The following PTPRG variants were observed in gnomAD, a reference collection of about 807,000 sequenced individuals.
PTPRG encodes the protein protein tyrosine phosphatase receptor type G.
PTPRG carries 102 observed loss-of-function variants against 165.3 expected under a neutral mutation model. The observed-to-expected ratio is 0.62, with a 90% CI of 0.53 to 0.73. The LOEUF is 0.73. PTPRG is among the 30% of genes least tolerant of loss of function. PTPRG has a pLI of 0.00. For synonymous variants in PTPRG, 675 were observed against 669.5 expected (o/e 1.01, Z -0.13); for missense variants, 1,866 against 1,861.4 (o/e 1.00, Z -0.05).
intron 6 of PTPRG, among the ~76,000 whole-genome samples, chr3:62,149,670 T>C (rs1704255240): frequency 6.6e-6 from 1 of 152,190 alleles, no homozygotes; most frequent in African/African-American, 2.4e-5. Context: ...CTCACCCCTG[T>C]GTTTGGCAGG....
In PTPRG at chr3:62,003,594, C is replaced by A. The variant is rs188563028; in HGVS notation, c.519+97C>A. 3.4e-6 allele frequency: 5 copies of A among 1,452,272 alleles called. No individual in the cohort carries two copies. The Admixed American group carries it at 1.1e-4, about 31-fold the overall frequency. 90.0% of individuals were successfully genotyped at this position (1,452,272 alleles called of 1,614,324 possible). On this transcript the variant is annotated intron_variant, in intron 4 of 29. Coordinates refer to ENST00000474889, the MANE Select transcript of PTPRG (RefSeq NM_002841.4). ...CCCTCAGTCATTTTGCAAATCACAG[C>A]TGTACAGTACCTAACTTCCTCTCTC...
chr3:61,613,026 C>T (rs1224490272), intron 1 of PTPRG, among the ~76,000 whole-genome samples: 3 of 152,120 alleles, frequency 2.0e-5, no homozygotes, highest in African/African-American at 7.2e-5. Context: ...TTCCATAAAG[C>T]CACCAATAGC....
chr3:61,883,362 G>A (rs1205136631), intron 2 of PTPRG, among the ~76,000 whole-genome samples: 1 of 152,046 alleles, frequency 6.6e-6, no homozygotes. Context: ...CCTTCCCTGT[G>A]GTTCTCCACC....
At chr3:61,847,904 A>C (rs912564354) in intron 2 of PTPRG, among the ~76,000 whole-genome samples, 1 of 152,248 alleles carries the variant, frequency 6.6e-6, no homozygotes, top group African/African-American at 2.4e-5. Flanking sequence ...AAACTCTTAC[A>C]TAATTGCATT....
intron 2 of PTPRG, among the ~76,000 whole-genome samples, chr3:61,777,420 C>G (rs1027600213): frequency 7.2e-5 from 11 of 152,196 alleles, no homozygotes; most frequent in Non-Finnish European, 1.2e-4. Flanking sequence ...TTTCCTCTTT[C>G]ATTTCAGCAA....
intron 1 of PTPRG, among the ~76,000 whole-genome samples, chr3:61,703,369 A>G (rs528846340): frequency 6.6e-6 from 1 of 152,358 alleles, no homozygotes; most frequent in East Asian, 1.9e-4. Context: ...AGTTACAGTA[A>G]TGTCAAATTT....
chr3:61,801,698 T>C (rs2035248855), intron 2 of PTPRG, among the ~76,000 whole-genome samples: 3 of 152,166 alleles, frequency 2.0e-5, no homozygotes, highest in Admixed American at 6.5e-5. Context: ...CTGCCATCCA[T>C]ATTGTTAGCA....
chr3:61,587,351 T>C (rs1700456748), intron 1 of PTPRG, among the ~76,000 whole-genome samples: 1 of 152,158 alleles, frequency 6.6e-6, no homozygotes, highest in African/African-American at 2.4e-5. Context: ...TTGATCACAT[T>C]TGTTTTTTCT....
At chr3:62,062,882 G>A (rs1431016436) in intron 4 of PTPRG, among the ~76,000 whole-genome samples, 2 of 152,084 alleles carry the variant, frequency 1.3e-5, no homozygotes, top group Non-Finnish European at 2.9e-5. Context: ...TCAAACTCCT[G>A]AACTCAAGCT....
At chr3:61,632,097 G>C (rs933376765) in intron 1 of PTPRG, among the ~76,000 whole-genome samples, 3 of 152,132 alleles carry the variant, frequency 2.0e-5, no homozygotes, top group Admixed American at 6.5e-5. Flanking sequence ...TTGAACCCAG[G>C]AGTTCAAGAC....
intron 1 of PTPRG, among the ~76,000 whole-genome samples, chr3:61,713,694 G>A (rs552556932): frequency 1.3e-5 from 2 of 152,192 alleles, no homozygotes; most frequent in South Asian, 2.1e-4. Flanking sequence ...CGTGCTGGCC[G>A]CAGCATTCAG....
rs201240036 is a variant in PTPRG, at chr3:62,195,084, C to T, written c.1241C>T (p.Ser414Leu). The change falls in exon 10 of 30, where the codon TCA (serine) becomes TTA (leucine). Residue 414 changes from serine (S) to leucine (L), a missense_variant. Ser to Leu is a moderately radical substitution (Grantham distance 145). This residue lies in a region of PTPRG where 1,452 missense variants were observed against 1,463.0 expected (regional missense o/e 0.99). Transcript: ENST00000474889. The surrounding 1 kb of genome is among the most constrained non-coding windows in gnomAD (Gnocchi z 4.4). ...CAGAAAGCCACCATTAGCCATGTCT[C>T]ACCCGATAGCCTTTACCTGTTCCGA... is the stretch of plus-strand genomic sequence containing the variant. ...KDLKATISHVSPDSLYLFRVQ... is the reference protein window; with the variant it reads ...KDLKATISHVLPDSLYLFRVQ... The T allele has an allele frequency of 1.2e-6, 2 of 1,614,232 alleles. No individual in the cohort carries two copies. Among genetic ancestry groups the T allele is most frequent in the African/African-American group, 2.7e-5 (2 of 75,072 alleles).
chr3:62,149,422 C>T (rs373406007), intron 6 of PTPRG, among the ~76,000 whole-genome samples: 32 of 152,208 alleles, frequency 2.1e-4, no homozygotes, highest in African/African-American at 6.7e-4. Flanking sequence ...TACAGGCACA[C>T]GCCACCATAC....
At chr3:61,904,437 A>C (rs956519912) in intron 2 of PTPRG, among the ~76,000 whole-genome samples, 4 of 152,178 alleles carry the variant, frequency 2.6e-5, no homozygotes, top group Admixed American at 1.3e-4. Context: ...TACAGGCCCA[A>C]GCAAATGTGG....
chr3:61,693,859 T>A (rs546801314), intron 1 of PTPRG, among the ~76,000 whole-genome samples: 1 of 151,948 alleles, frequency 6.6e-6, no homozygotes, highest in East Asian at 1.9e-4. Context: ...TATAAAAAAA[T>A]TAGCCAGGCA....
rs529632213 is a variant in PTPRG at position 62,012,861 on chromosome 3, G to C, written c.519+9364G>C. ...AGTAAAATATACAGAGAGATACGAA[G>C]GGAATAGAAATTAGTCAGCACTTAT... On this transcript the variant is annotated intron_variant, in intron 4 of 29. Coordinates refer to ENST00000474889, the MANE Select transcript of PTPRG (RefSeq NM_002841.4). Among the ~76,000 whole-genome samples the C allele has an allele frequency of 2.7e-3, 405 of 152,250 alleles. 2 individuals carry two copies. The highest frequency in any genetic ancestry group is 9.3e-3 in the African/African-American group (388 of 41,556).
intron 2 of PTPRG, among the ~76,000 whole-genome samples, chr3:61,772,200 G>C (rs1179629850): frequency 6.6e-6 from 1 of 152,078 alleles, no homozygotes; most frequent in East Asian, 1.9e-4. Context: ...ACAGTTGAGG[G>C]AGGGCGTTAA....
intron 2 of PTPRG, among the ~76,000 whole-genome samples, chr3:61,946,887 A>G (rs1291325055): frequency 6.6e-6 from 1 of 152,214 alleles, no homozygotes; most frequent in Non-Finnish European, 1.5e-5. Context: ...AAATTATTGA[A>G]AATCAGTGAA....
At chr3:61,955,461 C>G (rs1006368784) in intron 2 of PTPRG, among the ~76,000 whole-genome samples, 1 of 152,054 alleles carries the variant, frequency 6.6e-6, no homozygotes, top group Non-Finnish European at 1.5e-5. Flanking sequence ...TTGGACTTAG[C>G]GAAAATGTGT....
Sources: allele counts gnomAD v4.1 joint callset (sites outside exome capture counted in the v4.1 genomes callset), GRCh38; gene constraint gnomAD v4.1.1; regional missense constraint gnomAD v4.1.1; non-coding constraint Gnocchi (gnomAD v3.1); transcripts MANE v1.5; gene names NCBI Gene and HGNC (gene_info 2026-07-23, HGNC 2026-07-21).